The following RUNDC3B variants were observed in gnomAD, a reference collection of about 807,000 sequenced individuals.
RUNDC3B encodes the protein RUN domain-containing protein 3B.
Under a neutral mutation model 58.4 loss-of-function variants are expected in RUNDC3B, and 33 were observed. The observed-to-expected ratio is 0.56, with a 90% CI of 0.43 to 0.75. The LOEUF is 0.75. Ranked by LOEUF, RUNDC3B falls within the 30% of genes least tolerant of loss-of-function variation. The probability of loss-of-function intolerance (pLI) is 0.00; values close to 1 mark genes in which losing one functional copy is unlikely to be tolerated. For missense variants in RUNDC3B, 501 were observed against 535.7 expected (o/e 0.94, Z 0.64); for synonymous variants, 193 against 195.2 (o/e 0.99, Z 0.10).
intron 6 of RUNDC3B, among the ~76,000 whole-genome samples, chr7:87,742,338 T>C (rs753825501): frequency 5.3e-5 from 8 of 152,128 alleles, no homozygotes; most frequent in Admixed American, 1.3e-4. Context: ...CATATTGTTG[T>C]CTGTTATCCC....
chr7:87,709,036 A>G (rs1245862558), intron 3 of RUNDC3B, among the ~76,000 whole-genome samples: 1 of 152,180 alleles, frequency 6.6e-6, no homozygotes, highest in Admixed American at 6.6e-5. Flanking sequence ...AACAATCTTT[A>G]TAAGTCTGTT....
At chr7:87,708,442 C>T (rs1003597610) in intron 3 of RUNDC3B, among the ~76,000 whole-genome samples, 1 of 151,800 alleles carries the variant, frequency 6.6e-6, no homozygotes, top group Non-Finnish European at 1.5e-5. Flanking sequence ...AAAACTAACA[C>T]GAAAAGGATG....
chr7:87,733,126 A>T (rs1027744778), intron 4 of RUNDC3B, among the ~76,000 whole-genome samples: 3 of 149,606 alleles, frequency 2.0e-5, no homozygotes, highest in African/African-American at 7.2e-5. Flanking sequence ...ATCCATATGG[A>T]CAGGCGCCCC....
chr7:87,715,251 TATTATATATAATTAATTTATAATA>T (rs1206575385), intron 4 of RUNDC3B, among the ~76,000 whole-genome samples: 19 of 115,730 alleles, frequency 1.6e-4, no homozygotes, highest in African/African-American at 5.8e-4. Flanking sequence ...TATATAATTA[TATTATATATAATTAATTTATAATA>T]ATTATATATA....
intron 6 of RUNDC3B, among the ~76,000 whole-genome samples, chr7:87,752,661 A>G (rs374883432): frequency 5.9e-5 from 9 of 152,288 alleles, no homozygotes; most frequent in Admixed American, 5.2e-4. Context: ...GTTTATTTGC[A>G]TAGAGGTGTT....
chr7:87,729,150 A>G (rs1353167572), intron 4 of RUNDC3B, among the ~76,000 whole-genome samples: 1 of 152,172 alleles, frequency 6.6e-6, no homozygotes, highest in Non-Finnish European at 1.5e-5. Flanking sequence ...CCAATAATAT[A>G]TAATAACTGA....
intron 8 of RUNDC3B, among the ~76,000 whole-genome samples, chr7:87,790,013 C>T (rs1246083269): frequency 6.6e-6 from 1 of 152,166 alleles, no homozygotes; most frequent in East Asian, 1.9e-4. Context: ...ATCCTGGAAC[C>T]CTAGGGCCTT....
intron 10 of RUNDC3B, among the ~76,000 whole-genome samples, chr7:87,823,276 G>C (rs532281564): frequency 4.6e-5 from 7 of 151,830 alleles, no homozygotes; most frequent in Admixed American, 3.3e-4. Flanking sequence ...ACCCCAACAG[G>C]TACTCTTTTT....
At chr7:87,775,594 C>G (rs1385320676) in intron 7 of RUNDC3B, among the ~76,000 whole-genome samples, 1 of 152,094 alleles carries the variant, frequency 6.6e-6, no homozygotes, top group Non-Finnish European at 1.5e-5. Context: ...CACTAACTAC[C>G]CACTTACTGA....
chr7:87,818,667 T>A (rs1159669206), intron 10 of RUNDC3B, among the ~76,000 whole-genome samples: 1 of 152,000 alleles, frequency 6.6e-6, no homozygotes, highest in Non-Finnish European at 1.5e-5. Flanking sequence ...AAATACCAAA[T>A]ACAAGCAGGC....
rs537913510 is a variant in RUNDC3B, at chr7:87,681,728, A to G, written c.239-18693A>G. On this transcript the variant is annotated intron_variant, in intron 2 of 10. Transcript: ENST00000394654. ...GATATGACAATGTCTTAAGACAACA[A>G]TGGGCTGGGCACAGTGGCTTACAGC... 9.9e-5 allele frequency among the ~76,000 whole-genome samples: 15 copies of G among 151,778 alleles called. 1 individual carries two copies. The highest frequency in any genetic ancestry group is 1.2e-4 in the African/African-American group (5 of 41,314).
intron 6 of RUNDC3B, among the ~76,000 whole-genome samples, chr7:87,768,912 T>C (rs76472994): frequency 1.4e-5 from 2 of 145,868 alleles, no homozygotes; most frequent in South Asian, 2.2e-4. Context: ...GAATGAACTC[T>C]TTTTTTTTTT....
At chr7:87,769,683 C>T (rs1170079090) in intron 6 of RUNDC3B, among the ~76,000 whole-genome samples, 2 of 151,672 alleles carry the variant, frequency 1.3e-5, no homozygotes, top group African/African-American at 4.8e-5. Flanking sequence ...ATGTGCAGAA[C>T]GTGCAGGTTT....
At chr7:87,728,703 G>A (rs1391505602) in intron 4 of RUNDC3B, among the ~76,000 whole-genome samples, 1 of 152,168 alleles carries the variant, frequency 6.6e-6, no homozygotes, top group East Asian at 1.9e-4. Context: ...AATGCCATTT[G>A]CAAAGTCCCT....
chr7:87,696,290 G>C (rs930367287), intron 2 of RUNDC3B, among the ~76,000 whole-genome samples: 2 of 152,110 alleles, frequency 1.3e-5, no homozygotes, highest in Middle Eastern at 3.2e-3. Context: ...GGAAGTCAAA[G>C]TATTTGAGGA....
At chr7:87,773,656 G>A (rs1414436018) in intron 7 of RUNDC3B, among the ~76,000 whole-genome samples, 1 of 142,020 alleles carries the variant, frequency 7.0e-6, no homozygotes, top group African/African-American at 2.7e-5. Context: ...TTTTTGTCTT[G>A]TCTTGTTTTG....
intron 1 of RUNDC3B, among the ~76,000 whole-genome samples, chr7:87,630,398 A>G (rs762782939): frequency 1.3e-5 from 2 of 152,236 alleles, no homozygotes; most frequent in African/African-American, 2.4e-5. Flanking sequence ...TGGTAAAGTA[A>G]TATGGTATCC....
chr7:87,691,408 T>C (rs1423121254), intron 2 of RUNDC3B, among the ~76,000 whole-genome samples: 1 of 152,208 alleles, frequency 6.6e-6, no homozygotes, highest in Non-Finnish European at 1.5e-5. Context: ...TACTGTTGTA[T>C]TTGAATGCAT....
At chr7:87,658,451 G>A (rs1824341675) in intron 2 of RUNDC3B, among the ~76,000 whole-genome samples, 1 of 152,100 alleles carries the variant, frequency 6.6e-6, no homozygotes. Context: ...AAGGAGAGAA[G>A]AAAGAAGGTG....
Sources: allele counts gnomAD v4.1 joint callset (sites outside exome capture counted in the v4.1 genomes callset), GRCh38; gene constraint gnomAD v4.1.1; transcripts MANE v1.5; gene names NCBI Gene and HGNC (gene_info 2026-07-23, HGNC 2026-07-21).